Variants in REEP1 observed in about 807,000 individuals in gnomAD.
REEP1 encodes receptor expression-enhancing protein 1.
Under a neutral mutation model 40.3 loss-of-function variants are expected in REEP1, and 22 were observed. That is an observed-to-expected ratio of 0.55 (90% CI 0.39 to 0.78). The LOEUF is 0.78. Ranked by LOEUF, REEP1 falls within the 30% of genes least tolerant of loss-of-function variation. The pLI, the probability that REEP1 is intolerant of heterozygous loss-of-function variation, is 0.00. For missense variants in REEP1, 280 were observed against 361.1 expected, an observed-to-expected ratio of 0.78 and a Z score of 1.82; for synonymous variants, 116 against 139.2, an observed-to-expected ratio of 0.83 and a Z score of 1.17.
intron 5 of REEP1, among the ~76,000 whole-genome samples, chr2:86,251,034 T>C (rs1355688452): frequency 6.6e-6 from 1 of 152,146 alleles, no homozygotes; most frequent in Non-Finnish European, 1.5e-5. Context: ...ACAAACTTCC[T>C]TATGCTAATA....
intron 1 of REEP1, among the ~76,000 whole-genome samples, chr2:86,291,963 C>T (rs1192707971): frequency 6.6e-6 from 1 of 152,212 alleles, no homozygotes; most frequent in Non-Finnish European, 1.5e-5. Context: ...ATCCAATCCA[C>T]ACAAATCCCT....
intron 1 of REEP1, among the ~76,000 whole-genome samples, chr2:86,287,838 T>G (rs1678475635): frequency 6.6e-6 from 1 of 152,176 alleles, no homozygotes; most frequent in Non-Finnish European, 1.5e-5. Flanking sequence ...CACTATGTTT[T>G]TATTAACTAC....
intron 2 of REEP1, among the ~76,000 whole-genome samples, chr2:86,272,855 G>A (rs1168319008): frequency 6.6e-6 from 1 of 152,162 alleles, no homozygotes; most frequent in Non-Finnish European, 1.5e-5. Flanking sequence ...AGTCATGGTG[G>A]CTCATGCCAG....
intron 1 of REEP1, among the ~76,000 whole-genome samples, chr2:86,302,613 A>G (rs891940757): frequency 6.6e-6 from 1 of 152,224 alleles, no homozygotes; most frequent in Non-Finnish European, 1.5e-5. Context: ...AATGATATAA[A>G]CATCCAACAA....
At chr2:86,300,938 C>T (rs752008064) in intron 1 of REEP1, among the ~76,000 whole-genome samples, 4 of 152,274 alleles carry the variant, frequency 2.6e-5, no homozygotes, top group East Asian at 1.9e-4. Flanking sequence ...AAGCCCTTCA[C>T]GCCTCTGGGT....
chr2:86,279,608 T>C lies in REEP1; in HGVS notation c.105+2562A>G, dbSNP rs148508144. 5.2e-3 allele frequency among the ~76,000 whole-genome samples: 797 copies of C among 152,292 alleles called. 3 individuals are homozygous for C. Among genetic ancestry groups the C allele is most frequent in the African/African-American group, 0.018 (756 of 41,562 alleles). The stretch of plus-strand genomic sequence containing the variant: ...TCCTGGATGACCCAGGTGGGCCCCA[T>C]GTAATCACATGAATCCTTAAAGTGG... On this transcript the variant is annotated intron_variant, in intron 2 of 8. Coordinates refer to ENST00000538924, the MANE Select transcript of REEP1 (RefSeq NM_001371279.1).
chr2:86,268,692 C>T lies in REEP1; in HGVS notation c.106-4651G>A, dbSNP rs575329297. 2.0e-3 allele frequency among the ~76,000 whole-genome samples: 297 copies of T among 152,196 alleles called. 2 individuals carry two copies. The highest frequency in any genetic ancestry group is 6.5e-3 in the African/African-American group (269 of 41,546). On this transcript the variant is annotated intron_variant, in intron 2 of 8. Coordinates refer to ENST00000538924, the MANE Select transcript of REEP1 (RefSeq NM_001371279.1). ...TTAATATAATACAAAAGAAGAACAA[C>T]ATTGAAAGACTAAAGCTATCAGATT...
chr2:86,245,747 T>C (rs12620833), intron 5 of REEP1, among the ~76,000 whole-genome samples: 49,485 of 150,154 alleles, frequency 0.33, 9,384 homozygotes, highest in Middle Eastern at 0.45. Flanking sequence ...TTGAGGCTGG[T>C]CCCCAACATA....
At chr2:86,327,805 G>A (rs912214136) in intron 1 of REEP1, among the ~76,000 whole-genome samples, 2 of 152,106 alleles carry the variant, frequency 1.3e-5, no homozygotes, top group African/African-American at 4.8e-5. Context: ...CTGATCTCAT[G>A]ATCTGCCCGC....
chr2:86,281,336 GA>G (rs1167616957), intron 2 of REEP1, among the ~76,000 whole-genome samples: 1 of 152,160 alleles, frequency 6.6e-6, no homozygotes, highest in African/African-American at 2.4e-5. Flanking sequence ...TGTGCTACAG[GA>G]AACAGATATA....
chr2:86,244,791 A>T (rs1010971766), intron 5 of REEP1, among the ~76,000 whole-genome samples: 1 of 152,230 alleles, frequency 6.6e-6, no homozygotes. Flanking sequence ...GCTGTCCAAA[A>T]GAACTTTCTT....
Position 86,214,688 on chromosome 2 carries a change from C to G in REEP1, c.*2351G>C, listed in dbSNP as rs373902679. On this transcript the variant is annotated 3_prime_UTR_variant, in exon 9 of 9. Coordinates refer to ENST00000538924, the MANE Select transcript of REEP1 (RefSeq NM_001371279.1). ...ACACATTTTGCCAGAAATATGACAGCTGCTTTCAGTTGTACAGTGAGTGTC... is the reference window on the plus strand; with the variant it reads ...ACACATTTTGCCAGAAATATGACAGGTGCTTTCAGTTGTACAGTGAGTGTC... 9.2e-5 allele frequency: 14 copies of G among 152,642 alleles called. No individual in the cohort carries two copies. Among genetic ancestry groups the G allele is most frequent in the African/African-American group, 3.4e-4 (14 of 41,456 alleles). 9.5% of individuals were successfully genotyped at this position (152,642 alleles called of 1,614,324 possible).
intron 2 of REEP1, among the ~76,000 whole-genome samples, chr2:86,281,053 G>C (rs1445389331): frequency 6.6e-6 from 1 of 152,092 alleles, no homozygotes; most frequent in Non-Finnish European, 1.5e-5. Context: ...AAATGTCAGA[G>C]CCAGGACTTG....
At position 86,263,978 on chromosome 2, in the gene REEP1, T is replaced by A; in HGVS notation, c.169A>T (p.Ile57Phe). 4 of 1,612,366 alleles carry A rather than the reference T, an allele frequency of 2.5e-6. No individual in the cohort carries two copies. Among genetic ancestry groups the A allele is most frequent in the Non-Finnish European group, 3.4e-6 (4 of 1,178,368 alleles). The part of the protein sequence containing the change: ...LFTTAETFTD[I>F]FLCWFPFYYE... Reference sequence around the variant, plus strand: ...TGGAGTACTTACCAACAAAGGAAGATGTCTGTGAATGTCTCTGCTGTGGTG... The same window carrying A: ...TGGAGTACTTACCAACAAAGGAAGAAGTCTGTGAATGTCTCTGCTGTGGTG... The change falls in exon 3 of 9, where the codon ATC (isoleucine) becomes TTC (phenylalanine). Residue 57 changes from isoleucine (I) to phenylalanine (F), a missense_variant. Coordinates refer to ENST00000538924, the MANE Select transcript of REEP1 (RefSeq NM_001371279.1).
At chr2:86,311,756 G>C (rs2104486947) in intron 1 of REEP1, among the ~76,000 whole-genome samples, 1 of 152,220 alleles carries the variant, frequency 6.6e-6, no homozygotes, top group South Asian at 2.1e-4. Flanking sequence ...AGGTGGACAT[G>C]AATTTTGGAG....
At chr2:86,274,715 C>T (rs1432795614) in intron 2 of REEP1, among the ~76,000 whole-genome samples, 1 of 152,100 alleles carries the variant, frequency 6.6e-6, no homozygotes. Flanking sequence ...GAGCTATGGC[C>T]AATTTGAGAG....
intron 8 of REEP1, among the ~76,000 whole-genome samples, chr2:86,219,530 C>A (rs1258904519): frequency 6.6e-6 from 1 of 151,222 alleles, no homozygotes; most frequent in Non-Finnish European, 1.5e-5. Context: ...ACTGCAACCT[C>A]CTCCTCCTGG....
intron 1 of REEP1, among the ~76,000 whole-genome samples, chr2:86,326,691 G>A (rs1413303209): frequency 3.3e-5 from 5 of 151,186 alleles, no homozygotes; most frequent in Middle Eastern, 3.4e-3. Flanking sequence ...CAGCCTGGGC[G>A]ACAAGAGTAA....
In REEP1 at chr2:86,227,407, A is replaced by T; in HGVS notation, c.596-9T>A. On this transcript the variant is annotated splice_polypyrimidine_tract_variant and intron_variant, in intron 6 of 8. Transcript: ENST00000538924. The stretch of plus-strand genomic sequence containing the variant: ...GGAGCAGCAGGTACACACTGTGGGA[A>T]TGGGGTAGGGGCACCATCAGTGACA... 1.6e-6 allele frequency: 2 copies of T among 1,232,350 alleles called. No individual in the cohort carries two copies. Among genetic ancestry groups the T allele is most frequent in the Non-Finnish European group, 2.0e-6 (2 of 988,168 alleles). The allele number at this position is 1,232,350 out of a possible 1,614,324, so 76.3% of individuals were successfully genotyped here.
Sources: allele counts gnomAD v4.1 joint callset (sites outside exome capture counted in the v4.1 genomes callset), GRCh38; gene constraint gnomAD v4.1.1; transcripts MANE v1.5; gene names NCBI Gene and HGNC (gene_info 2026-07-23, HGNC 2026-07-21).